ATP6V0A4: variants seen among roughly 807,000 people sequenced by gnomAD.
ATP6V0A4 encodes the protein ATPase H+ transporting V0 subunit a4.
Under a neutral mutation model 107.3 loss-of-function variants are expected in ATP6V0A4, and 86 were observed. That is an observed-to-expected ratio of 0.80 (90% confidence interval 0.67 to 0.96). The LOEUF is 0.96. ATP6V0A4 is among the 40% of genes least tolerant of loss of function. The probability of loss-of-function intolerance (pLI) is 0.00; values close to 1 mark genes in which losing one functional copy is unlikely to be tolerated. For synonymous variants in ATP6V0A4, 353 were observed against 381.4 expected (o/e 0.93, Z 0.87); for missense variants, 908 against 1,045.6 (o/e 0.87, Z 1.81).
intron 14 of ATP6V0A4, among the ~76,000 whole-genome samples, chr7:138,740,916 G>A (rs1271259060): frequency 2.0e-5 from 3 of 151,460 alleles, no homozygotes; most frequent in Non-Finnish European, 4.4e-5. Flanking sequence ...GCTGAGGTGG[G>A]TGAATCACTT....
chr7:138,747,169 GA>G (rs1052479870), intron 13 of ATP6V0A4, among the ~76,000 whole-genome samples: 1 of 151,672 alleles, frequency 6.6e-6, no homozygotes, highest in African/African-American at 2.4e-5. Flanking sequence ...ATCAGAGTTA[GA>G]AAAAATATAT....
chr7:138,771,407 T>A, intron 2 of ATP6V0A4, 143 bp from the exon 3 acceptor site: 1 of 961,966 alleles, frequency 1.0e-6, no homozygotes, highest in Non-Finnish European at 1.5e-6. Flanking sequence ...AGACTTTTTT[T>A]TTTTTTTTTT....
At chr7:138,747,700 A>C (rs1584922340) in intron 12 of ATP6V0A4, 136 bp from the exon 13 acceptor site, 2 of 1,347,666 alleles carry the variant, frequency 1.5e-6, no homozygotes. Context: ...CACCATCCCT[A>C]CCCTGACACA....
intron 1 of ATP6V0A4, among the ~76,000 whole-genome samples, chr7:138,788,962 C>T (rs945895362): frequency 2.6e-5 from 4 of 152,128 alleles, no homozygotes; most frequent in South Asian, 2.1e-4. Context: ...TTATTAGCAG[C>T]GTGAGAACAG....
intron 2 of ATP6V0A4, among the ~76,000 whole-genome samples, chr7:138,784,143 C>T (rs934686022): frequency 6.7e-6 from 1 of 150,296 alleles, no homozygotes. Context: ...ATAATACAGC[C>T]TTATTTCTCT....
At chr7:138,777,610 C>A (rs1807718921) in intron 2 of ATP6V0A4, among the ~76,000 whole-genome samples, 2 of 81,984 alleles carry the variant, frequency 2.4e-5, no homozygotes, top group African/African-American at 5.1e-5. Context: ...AGGGAAACTC[C>A]GTCTCAAAAA....
intron 2 of ATP6V0A4, among the ~76,000 whole-genome samples, chr7:138,783,598 C>T (rs1313022936): frequency 6.6e-6 from 1 of 151,732 alleles, no homozygotes; most frequent in Non-Finnish European, 1.5e-5. Context: ...GAGTGGTGCA[C>T]ACTTGTAGTC....
chr7:138,730,931 C>CTTCTTCTTCTTCTTCTTT (rs1554392929), intron 17 of ATP6V0A4, among the ~76,000 whole-genome samples: 1 of 123,758 alleles, frequency 8.1e-6, no homozygotes, highest in African/African-American at 3.1e-5. Flanking sequence ...TCTTCTTCTT[C>CTTCTTCTTCTTCTTCTTT]TTTTTTTATT....
intron 10 of ATP6V0A4, 51 bp from the exon 11 acceptor site, chr7:138,752,888 T>A: frequency 6.2e-7 from 1 of 1,603,608 alleles, no homozygotes; most frequent in Non-Finnish European, 8.5e-7. Context: ...CAGAGCTGTT[T>A]GACAAGGTGC....
chr7:138,711,963 C>T (rs762126672), intron 20 of ATP6V0A4, among the ~76,000 whole-genome samples: 1 of 152,156 alleles, frequency 6.6e-6, no homozygotes, highest in African/African-American at 2.4e-5. Context: ...GACAGAGTCT[C>T]GCTCTGTCAC....
intron 21 of ATP6V0A4, among the ~76,000 whole-genome samples, chr7:138,707,186 ATT>A (rs1416354694): frequency 2.8e-5 from 2 of 71,708 alleles, no homozygotes; most frequent in Non-Finnish European, 4.9e-5. Context: ...TATATAATAT[ATT>A]ATATATATTA....
chr7:138,791,979 T>C (rs1808431706), intron 1 of ATP6V0A4, among the ~76,000 whole-genome samples: 1 of 152,172 alleles, frequency 6.6e-6, no homozygotes, highest in Non-Finnish European at 1.5e-5. Flanking sequence ...AAACTATGTG[T>C]ATAACTAACA....
chr7:138,797,233 G>A (rs1808723775), intron 1 of ATP6V0A4, among the ~76,000 whole-genome samples: 1 of 109,096 alleles, frequency 9.2e-6, no homozygotes, highest in Admixed American at 9.3e-5. Flanking sequence ...TTTTTTTTTG[G>A]AGATGGAGTC....
intron 1 of ATP6V0A4, among the ~76,000 whole-genome samples, chr7:138,795,541 C>T (rs547933526): frequency 9.2e-5 from 14 of 152,336 alleles, no homozygotes; most frequent in East Asian, 5.8e-4. Context: ...ATGCACCCAG[C>T]GTCCCACATT....
chr7:138,714,410 G>C (rs555882720), intron 20 of ATP6V0A4, among the ~76,000 whole-genome samples: 2 of 152,014 alleles, frequency 1.3e-5, no homozygotes, highest in Admixed American at 1.3e-4. Context: ...GCAACCCCAG[G>C]GGCTCGGATC....
chr7:138,751,626 G>C (rs1435752136), intron 11 of ATP6V0A4, among the ~76,000 whole-genome samples: 1 of 151,734 alleles, frequency 6.6e-6, no homozygotes, highest in Non-Finnish European at 1.5e-5. Context: ...CAGGGTCTTG[G>C]CCTGCCAGTG....
chr7:138,793,786 C>T (rs1180130114), intron 1 of ATP6V0A4, among the ~76,000 whole-genome samples: 1 of 152,104 alleles, frequency 6.6e-6, no homozygotes, highest in Non-Finnish European at 1.5e-5. Flanking sequence ...GATACAGGAC[C>T]TAGGTGGAAG....
chr7:138,765,423 T>C (rs1418583590), intron 5 of ATP6V0A4, among the ~76,000 whole-genome samples: 1 of 152,158 alleles, frequency 6.6e-6, no homozygotes, highest in Non-Finnish European at 1.5e-5. Flanking sequence ...GATATATAAT[T>C]ATGTAAAAGT....
intron 2 of ATP6V0A4, among the ~76,000 whole-genome samples, chr7:138,781,121 A>G (rs1242137295): frequency 2.0e-5 from 3 of 152,174 alleles, no homozygotes; most frequent in Non-Finnish European, 4.4e-5. Context: ...GATGATTAAG[A>G]TCCTTGCAAA....
Sources: gnomAD v4.1 joint callset for allele counts (sites outside exome capture counted in the v4.1 genomes callset) on GRCh38, gnomAD v4.1.1 for gene constraint, MANE v1.5 for transcripts, NCBI Gene and HGNC (gene_info 2026-07-23, HGNC 2026-07-21) for gene names.